PKN3: variants seen among roughly 807,000 people sequenced by gnomAD.
PKN3 encodes the protein protein kinase N3.
Under a neutral mutation model 113.1 loss-of-function variants are expected in PKN3, and 91 were observed. The ratio of observed to expected loss-of-function variants is 0.80; its 90% CI spans 0.68 to 0.96. PKN3 has a LOEUF of 0.96. Ranked by LOEUF, PKN3 falls within the 40% of genes least tolerant of loss-of-function variation. PKN3 has a pLI of 0.00. For missense variants in PKN3, 1,052 were observed against 1,202.2 expected (o/e 0.88, Z 1.85); for synonymous variants, 467 against 499.0 (o/e 0.94, Z 0.85).
At chr9:128,713,412 G>A (rs1188545024) in intron 8 of PKN3, 25 bp downstream of exon 8, 1 of 1,604,226 alleles carries the variant, frequency 6.2e-7, no homozygotes, top group East Asian at 2.3e-5. Context: ...TGTGTGGTCA[G>A]GGGTGACCTT....
At chr9:128,717,117 C>CTTTTTTTTTTTTTTTGTTTTTTTT (rs1862364544) in intron 16 of PKN3, among the ~76,000 whole-genome samples, 194 bp downstream of exon 16, 1 of 24,364 alleles carries the variant, frequency 4.1e-5, no homozygotes, top group Non-Finnish European at 8.1e-5. Flanking sequence ...CATTAGGTTT[C>CTTTTTTTTTTTTTTTGTTTTTTTT]TTTTTTTTTT....
At position 128,705,714 on chromosome 9, in the gene PKN3, C is replaced by T; in HGVS notation, c.266-20C>T. On this transcript the variant is annotated intron_variant, in intron 2 of 21. Coordinates refer to ENST00000291906, the MANE Select transcript of PKN3 (RefSeq NM_013355.5). Reference sequence around the variant, plus strand: ...CGGCTCTGGGTGAGGGACTCCTGTGCTCGATACCCCCGTGCACAGAGCCTG... The same window carrying T: ...CGGCTCTGGGTGAGGGACTCCTGTGTTCGATACCCCCGTGCACAGAGCCTG... 4.4e-6 allele frequency: 7 copies of T among 1,589,030 alleles called. No homozygotes were observed. The highest frequency in any genetic ancestry group is 6.0e-6 in the Non-Finnish European group (7 of 1,167,610).
chr9:128,709,586 T>TG (rs2132299517), intron 6 of PKN3, among the ~76,000 whole-genome samples: 1 of 151,610 alleles, frequency 6.6e-6, no homozygotes, highest in Non-Finnish European at 1.5e-5. Context: ...ACCCCGTCTC[T>TG]ACTAAAAAAT....
intron 2 of PKN3, 56 bp downstream of exon 2, chr9:128,705,599 C>T: frequency 6.5e-7 from 1 of 1,545,314 alleles, no homozygotes; most frequent in Non-Finnish European, 8.7e-7. Flanking sequence ...CATCTGGCCC[C>T]TGGCCTTGGC....
In PKN3 at chr9:128,716,751, T is replaced by C; in HGVS notation, c.1813T>C (p.Tyr605His). Residue 605 changes from tyrosine to histidine, a missense_variant, in exon 16 of 22, where the codon TAC becomes CAC. Tyr to His is a moderately conservative substitution (Grantham distance 83). This residue lies in a region of PKN3 where 333 missense variants were observed against 442.8 expected (regional missense o/e 0.75). Coordinates refer to ENST00000291906, the MANE Select transcript of PKN3 (RefSeq NM_013355.5). Reference protein sequence around the residue: ...VLSRDEIESLYCEKRILEAVG... With the variant: ...VLSRDEIESLHCEKRILEAVG... ...TACTCTTGCTCTCTCCTGTAGCCTG[T>C]ACTGCGAGAAGCGGATCCTGGAGGC... is the stretch of plus-strand genomic sequence containing the variant. 2.5e-6 allele frequency: 4 copies of C among 1,613,722 alleles called. No individual in the cohort carries two copies. The South Asian group carries it at 4.4e-5, about 18-fold the overall frequency.
chr9:128,715,409 C>T lies in PKN3; in HGVS notation c.1757C>T (p.Ala586Val). 6.2e-7 allele frequency: 1 copy of T among 1,614,000 alleles called. No individual in the cohort carries two copies. The highest frequency in any genetic ancestry group is 8.5e-7 in the Non-Finnish European group (1 of 1,179,992). Residue 586 changes from alanine to valine, a missense_variant, in exon 15 of 22, where the codon GCC (alanine) becomes GTC (valine). This residue lies in a region of PKN3 where 333 missense variants were observed against 442.8 expected (regional missense o/e 0.75). Coordinates refer to ENST00000291906, the MANE Select transcript of PKN3 (RefSeq NM_013355.5). This position sits in a 1 kb window ranked among gnomAD's most constrained non-coding sequence, Gnocchi z 4.1. ...TTCAAGGGGACAGGGAAATACTACG[C>T]CATCAAAGCACTGAAGAAGCAGGAG... ...VQFKGTGKYY[A>V]IKALKKQEVL... is the part of the protein sequence containing the mutation.
In PKN3 at chr9:128,715,021, T is replaced by C; in HGVS notation, c.1653-151T>C. On this transcript the variant is annotated intron_variant, in intron 13 of 21. Transcript: ENST00000291906. This position sits in a 1 kb window ranked among gnomAD's most constrained non-coding sequence, Gnocchi z 4.1. Reference sequence around the variant, plus strand: ...AACCCACATTATTGAGCTCCAGCTCTATGCCGGCTTCTAGGAGTCCTTACT... The same window carrying C: ...AACCCACATTATTGAGCTCCAGCTCCATGCCGGCTTCTAGGAGTCCTTACT... The C allele has an allele frequency of 9.6e-7, 1 of 1,043,596 alleles. No homozygotes were observed. The highest frequency in any genetic ancestry group is 1.4e-5 in the South Asian group (1 of 73,586). The allele number at this position is 1,043,596 out of a possible 1,614,324, so 64.6% of individuals were successfully genotyped here. A position where few individuals can be genotyped will look rare whatever the true frequency, so the allele number is the denominator to read the frequency against.
chr9:128,720,195 T>C lies in PKN3; in HGVS notation c.2377-8T>C. The C allele has an allele frequency of 1.9e-6, 3 of 1,613,076 alleles. No homozygotes were observed. Among genetic ancestry groups the C allele is most frequent in the South Asian group, 1.1e-5 (1 of 90,974 alleles). On this transcript the variant is annotated splice_region_variant and splice_polypyrimidine_tract_variant and intron_variant, in intron 20 of 21. Transcript: ENST00000291906. This position sits in a 1 kb window ranked among gnomAD's most constrained non-coding sequence, Gnocchi z 5.5. ...ATGCCCTAAGTGAGCGCCTGTCCTA[T>C]TGCCCAGCTCCTCCAGAAGTGCCCG...
intron 1 of PKN3, among the ~76,000 whole-genome samples, chr9:128,704,772 G>T (rs1203202970): frequency 6.6e-6 from 1 of 152,078 alleles, no homozygotes; most frequent in Non-Finnish European, 1.5e-5. Flanking sequence ...TACAAAATTA[G>T]CCGGGCTTAG....
chr9:128,707,592 T>C (rs149271271), intron 6 of PKN3, among the ~76,000 whole-genome samples, 187 bp downstream of exon 6: 2 of 152,378 alleles, frequency 1.3e-5, no homozygotes, highest in Admixed American at 6.5e-5. Context: ...GTGGATGATA[T>C]AGCACCTACC....
rs939240747 is a variant in PKN3 at position 128,707,268 on chromosome 9, G to A, written c.698G>A (p.Arg233His). ...TCCTCTCAGAAACTGGACCTCCTGC[G>A]CCTGGCCTTGGAGCAGCTGCTGGAG... Reference protein sequence around the residue: ...QESSQKLDLLRLALEQLLEQL... With the variant: ...QESSQKLDLLHLALEQLLEQL... Residue 233 changes from arginine to histidine, a missense_variant, in exon 6 of 22, where the codon CGC becomes CAC. By Grantham distance (29) the Arg-to-His change is conservative. Coordinates refer to ENST00000291906, the MANE Select transcript of PKN3 (RefSeq NM_013355.5). The A allele has an allele frequency of 1.1e-5, 18 of 1,612,664 alleles. No individual in the cohort carries two copies. The highest frequency in any genetic ancestry group is 4.0e-5 in the African/African-American group (3 of 74,906).
chr9:128,714,997 A>C, intron 13 of PKN3, 132 bp downstream of exon 13: 1 of 1,072,136 alleles, frequency 9.3e-7, no homozygotes, highest in Non-Finnish European at 1.4e-6. Flanking sequence ...GATTTACTAA[A>C]CCCACATTAT....
At chr9:128,711,276 G>A (rs1480221301) in intron 6 of PKN3, among the ~76,000 whole-genome samples, 1 of 151,530 alleles carries the variant, frequency 6.6e-6, no homozygotes, top group Non-Finnish European at 1.5e-5. Context: ...AAAGTGCTGG[G>A]ATTACAGGCG....
chr9:128,702,860 C>A lies in PKN3; in HGVS notation c.-56C>A, dbSNP rs557032712. ...TTTGAAAGTCCTGGCGGAGGGTCTG[C>A]GGCTTCCGGGACCGGAGTGGCTGAG... On this transcript the variant is annotated 5_prime_UTR_variant, in exon 1 of 22. Transcript: ENST00000291906. 4 of 1,315,336 alleles carry A rather than the reference C, an allele frequency of 3.0e-6. No homozygotes were observed. The East Asian group carries it at 8.9e-5, about 29-fold the overall frequency. The allele number at this position is 1,315,336 out of a possible 1,614,324, so 81.5% of individuals were successfully genotyped here. A position where few individuals can be genotyped will look rare whatever the true frequency, so the allele number is the denominator to read the frequency against.
chr9:128,702,967 C>G, intron 1 of PKN3, 28 bp downstream of exon 1: 2 of 1,383,230 alleles, frequency 1.4e-6, no homozygotes, highest in Non-Finnish European at 1.9e-6. Context: ...GGCGCGCGGG[C>G]CCGGGGGGTG....
chr9:128,715,165 T>C lies in PKN3; in HGVS notation c.1653-7T>C. On this transcript the variant is annotated splice_region_variant and splice_polypyrimidine_tract_variant and intron_variant, in intron 13 of 21. Transcript: ENST00000291906. The surrounding 1 kb of genome is among the most constrained non-coding windows in gnomAD (Gnocchi z 4.1). ...GGGGACTTCATATACCCTCTCTTCCTTTGCAGGAAACCCCCTCGGCTTCAG... is the reference window on the plus strand; with the variant it reads ...GGGGACTTCATATACCCTCTCTTCCCTTGCAGGAAACCCCCTCGGCTTCAG... 1 of 1,613,846 alleles carries C rather than the reference T, an allele frequency of 6.2e-7. No homozygotes were observed. Among genetic ancestry groups the C allele is most frequent in the South Asian group, 1.1e-5 (1 of 91,070 alleles).
At position 128,715,874 on chromosome 9, in the gene PKN3, G is replaced by A. The variant is rs1369546974; in HGVS notation, c.1808+414G>A. Among the ~76,000 whole-genome samples, 1 of 152,114 alleles carries A rather than the reference G, an allele frequency of 6.6e-6. No homozygotes were observed. The highest frequency in any genetic ancestry group is 1.5e-5 in the Non-Finnish European group (1 of 68,028). On this transcript the variant is annotated intron_variant, in intron 15 of 21. Coordinates refer to ENST00000291906, the MANE Select transcript of PKN3 (RefSeq NM_013355.5). This position sits in a 1 kb window ranked among gnomAD's most constrained non-coding sequence, Gnocchi z 4.1. ...AAAAAATAGCCAGACATGGTGGCAT[G>A]TGCCTTTAGTCCCAGCTACTTGGGA...
chr9:128,718,873 A>T (rs1307433512), intron 18 of PKN3, among the ~76,000 whole-genome samples: 13 of 140,226 alleles, frequency 9.3e-5, no homozygotes, highest in Admixed American at 5.9e-4. Context: ...GAGGAGACTG[A>T]GTTCTGCCTT....
chr9:128,703,011 A>C, intron 1 of PKN3, 72 bp downstream of exon 1: 1 of 1,052,754 alleles, frequency 9.5e-7, no homozygotes, highest in Non-Finnish European at 1.3e-6. Context: ...CGGAGCCCCG[A>C]ACCGCGGCCG....
Sources: gnomAD v4.1 joint callset for allele counts (sites outside exome capture counted in the v4.1 genomes callset) on GRCh38, gnomAD v4.1.1 for gene constraint, gnomAD v4.1.1 regional missense constraint, Gnocchi (gnomAD v3.1) non-coding constraint, MANE v1.5 for transcripts, NCBI Gene and HGNC (gene_info 2026-07-23, HGNC 2026-07-21) for gene names.